The following DNALI1 variants were observed in gnomAD, a reference collection of about 807,000 sequenced individuals.
DNALI1 encodes dynein axonemal light intermediate chain 1, also known as axonemal dynein light intermediate polypeptide 1.
In DNALI1, 31 loss-of-function variants were observed where a neutral mutation model predicts 33.9. The ratio of observed to expected loss-of-function variants is 0.91; its 90% CI spans 0.69 to 1.23. DNALI1 has a LOEUF of 1.23. Among genes scored for constraint, DNALI1 ranks in the 50% most tolerant of loss-of-function variants. The probability of loss-of-function intolerance (pLI) is 0.00; values close to 1 mark genes in which losing one functional copy is unlikely to be tolerated. For missense variants in DNALI1, 305 were observed against 323.8 expected, an observed-to-expected ratio of 0.94 and a Z score of 0.44; for synonymous variants, 117 against 129.2, an observed-to-expected ratio of 0.91 and a Z score of 0.64.
chr1:37,559,674 C>A lies in DNALI1; in HGVS notation c.397+178C>A, dbSNP rs1643413199. ...CTAACTGCCCCCTTCCCCTTCCCAG[C>A]TGAAGGGGGCCAGCCCCTCCACACC... On this transcript the variant is annotated intron_variant, in intron 3 of 5. Transcript: ENST00000652629. This position sits in a 1 kb window ranked among gnomAD's most constrained non-coding sequence, Gnocchi z 5.3. Among the ~76,000 whole-genome samples the A allele has an allele frequency of 6.6e-6, 1 of 152,170 alleles. No individual in the cohort carries two copies. The highest frequency in any genetic ancestry group is 2.4e-5 in the African/African-American group (1 of 41,438).
chr1:37,556,979 T>G lies in DNALI1; in HGVS notation c.-16T>G. ...CTGGACAGGGCAGCTGCTGGGTTGC[T>G]ACTCTCGCCTCCGCCATGATTCCGC... On this transcript the variant is annotated 5_prime_UTR_variant, in exon 1 of 6. Coordinates refer to ENST00000652629, the MANE Select transcript of DNALI1 (RefSeq NM_003462.5). 1.9e-6 allele frequency: 3 copies of G among 1,614,228 alleles called. 1 individual carries two copies. The highest frequency in any genetic ancestry group is 2.2e-5 in the South Asian group (2 of 91,086).
At chr1:37,563,076 A>G (rs1376020503) in intron 5 of DNALI1, among the ~76,000 whole-genome samples, 2 of 152,254 alleles carry the variant, frequency 1.3e-5, no homozygotes, top group Non-Finnish European at 2.9e-5. Flanking sequence ...AAGATGGCCT[A>G]CTGACATTTA....
rs140560934 is a variant in DNALI1 at position 37,562,097 on chromosome 1, C to T, written c.593C>T (p.Thr198Met). The change falls in exon 5 of 6, where the codon ACG (threonine) becomes ATG (methionine). Residue 198 changes from threonine (T) to methionine (M), a missense_variant. Thr to Met is a moderately conservative substitution (Grantham distance 81). Transcript: ENST00000652629. This position sits in a 1 kb window ranked among gnomAD's most constrained non-coding sequence, Gnocchi z 5.8. Reference protein sequence around the residue: ...DMERKIAELETEKRDLERQVN... With the variant: ...DMERKIAELEMEKRDLERQVN... ...TCTCCTCAGATCGCAGAATTGGAGA[C>T]GGAAAAGAGAGACCTGGAGAGGCAA... The T allele has an allele frequency of 1.3e-4, 212 of 1,613,858 alleles. 1 individual carries two copies. Among genetic ancestry groups the T allele is most frequent in the Middle Eastern group, 1.7e-4 (1 of 6,054 alleles).
In DNALI1 at chr1:37,557,722, A is replaced by G. The variant is rs140822664; in HGVS notation, c.201A>G (p.Glu67=). The G allele has an allele frequency of 8.4e-4, 1,354 of 1,613,862 alleles. 1 individual carries two copies. The highest frequency in any genetic ancestry group is 1.1e-3 in the Non-Finnish European group (1,288 of 1,179,874). ...CVPDPTKQAE[E]ILNAILPPRE... ...CAGATCCTACAAAGCAGGCAGAAGA[A>G]ATCTTGAATGCCATACTACCCCCAA... Residue 67 remains glutamate (E), a synonymous_variant, in exon 2 of 6, where the codon GAA becomes GAG. Transcript: ENST00000652629.
At position 37,559,413 on chromosome 1, in the gene DNALI1, A is replaced by G; in HGVS notation, c.314A>G (p.Gln105Arg). 1 of 1,613,370 alleles carries G rather than the reference A, an allele frequency of 6.2e-7. No individual in the cohort carries two copies. Among genetic ancestry groups the G allele is most frequent in the East Asian group, 2.2e-5 (1 of 44,868 alleles). Residue 105 changes from glutamine to arginine, a missense_variant, in exon 3 of 6, where the codon CAG becomes CGG. Physicochemically the swap from Gln to Arg is conservative, Grantham distance 43. Transcript: ENST00000652629. The surrounding 1 kb of genome is among the most constrained non-coding windows in gnomAD (Gnocchi z 5.3). ...TRMDVVHLQE[Q>R]LDLKLQQRQA... ...ATGGACGTGGTGCACCTCCAGGAGC[A>G]GTTAGACTTAAAGCTGCAGCAGCGG...
chr1:37,560,525 C>G (rs1643425618), intron 3 of DNALI1: 2 of 152,192 alleles, frequency 1.3e-5, no homozygotes, highest in Non-Finnish European at 2.9e-5. Flanking sequence ...TCTGTGAGCT[C>G]AAGGTTGGGG....
Position 37,559,256 on chromosome 1 carries a change from G to T in DNALI1, c.228-71G>T. On this transcript the variant is annotated intron_variant, in intron 2 of 5. Coordinates refer to ENST00000652629, the MANE Select transcript of DNALI1 (RefSeq NM_003462.5). The surrounding 1 kb of genome is among the most constrained non-coding windows in gnomAD (Gnocchi z 5.3). Reference sequence around the variant, plus strand: ...CCACTACTCAGGCAGAGGGCTCAAAGGGCCCTCTGCTCATGTGCTAGGGAC... The same window carrying T: ...CCACTACTCAGGCAGAGGGCTCAAATGGCCCTCTGCTCATGTGCTAGGGAC... The T allele has an allele frequency of 6.9e-7, 1 of 1,459,272 alleles. No homozygotes were observed. The highest frequency in any genetic ancestry group is 2.5e-5 in the East Asian group (1 of 39,644). The allele number at this position is 1,459,272 out of a possible 1,614,324, so 90.4% of individuals were successfully genotyped here.
chr1:37,561,008 GCAAACCACCTC>G lies in DNALI1; in HGVS notation c.398-542_398-532del, dbSNP rs1469228946. The G allele has an allele frequency of 2.0e-5, 3 of 152,772 alleles. No individual in the cohort carries two copies. Among genetic ancestry groups the G allele is most frequent in the Non-Finnish European group, 4.4e-5 (3 of 68,460 alleles). The allele number at this position is 152,772 out of a possible 1,614,324, so 9.5% of individuals were successfully genotyped here. ...CATTGGCTCTTATGGACGCCGATCTGCAAACCACCTCCAAACCCTCAGGCAGCTGCAGGGTC... is the reference window on the plus strand; with the variant it reads ...CATTGGCTCTTATGGACGCCGATCTGCAAACCCTCAGGCAGCTGCAGGGTC... On this transcript the variant is annotated intron_variant, in intron 3 of 5. Transcript: ENST00000652629. This position sits in a 1 kb window ranked among gnomAD's most constrained non-coding sequence, Gnocchi z 4.6.
At chr1:37,564,561 T>C (rs1461688723) in intron 5 of DNALI1, among the ~76,000 whole-genome samples, 1 of 152,108 alleles carries the variant, frequency 6.6e-6, no homozygotes, top group Non-Finnish European at 1.5e-5. Context: ...TTTTGTATTT[T>C]TAGTAGAGAC....
intron 2 of DNALI1, 159 bp downstream of exon 2, chr1:37,557,907 G>T (rs575697630): frequency 3.0e-6 from 3 of 998,038 alleles, no homozygotes; most frequent in Non-Finnish European, 2.9e-6. Flanking sequence ...CTGGCAGGGT[G>T]GTGGGAGACC....
At position 37,565,946 on chromosome 1, in the gene DNALI1, T is replaced by C. The variant is rs1643495090; in HGVS notation, c.*885T>C. On this transcript the variant is annotated 3_prime_UTR_variant, in exon 6 of 6. Coordinates refer to ENST00000652629, the MANE Select transcript of DNALI1 (RefSeq NM_003462.5). ...GGTTTTGTAGACCCAGAAGATTGAATGAGTGACATAAATCTTTAGTTCGGG... is the reference window on the plus strand; with the variant it reads ...GGTTTTGTAGACCCAGAAGATTGAACGAGTGACATAAATCTTTAGTTCGGG... The C allele has an allele frequency of 6.6e-6, 1 of 152,346 alleles. No homozygotes were observed. Among genetic ancestry groups the C allele is most frequent in the African/African-American group, 2.4e-5 (1 of 41,580 alleles). 9.4% of individuals were successfully genotyped at this position (152,346 alleles called of 1,614,324 possible).
In DNALI1 at chr1:37,566,521, T is replaced by G. The variant is rs943939150; in HGVS notation, c.*1460T>G. On this transcript the variant is annotated 3_prime_UTR_variant, in exon 6 of 6. Transcript: ENST00000652629. ...CCTTGAAATTTGCAGTTCTGTATGC[T>G]TCTATTCCAAATCATTCATTACCAA... The G allele has an allele frequency of 4.2e-6, 1 of 236,302 alleles. No homozygotes were observed. The highest frequency in any genetic ancestry group is 8.2e-6 in the Non-Finnish European group (1 of 122,678). The allele number at this position is 236,302 out of a possible 1,614,324, so 14.6% of individuals were successfully genotyped here.
At position 37,562,252 on chromosome 1, in the gene DNALI1, A is replaced by G; in HGVS notation, c.741+7A>G. 1.2e-6 allele frequency: 2 copies of G among 1,609,852 alleles called. No homozygotes were observed. The highest frequency in any genetic ancestry group is 1.7e-6 in the Non-Finnish European group (2 of 1,178,126). ...AACAAATCAGCAGCTGAAGGTAATCAACGCGCAGGGTGGGGTGGAGGTGCC... is the reference window on the plus strand; with the variant it reads ...AACAAATCAGCAGCTGAAGGTAATCGACGCGCAGGGTGGGGTGGAGGTGCC... On this transcript the variant is annotated splice_region_variant and intron_variant, in intron 5 of 5. Transcript: ENST00000652629. This position sits in a 1 kb window ranked among gnomAD's most constrained non-coding sequence, Gnocchi z 5.8.
Position 37,556,984 on chromosome 1 carries a change from T to C in DNALI1, c.-11T>C, listed in dbSNP as rs759716450. On this transcript the variant is annotated 5_prime_UTR_variant, in exon 1 of 6. Transcript: ENST00000652629. ...CAGGGCAGCTGCTGGGTTGCTACTC[T>C]CGCCTCCGCCATGATTCCGCCCGCA... is the stretch of plus-strand genomic sequence containing the variant. The C allele has an allele frequency of 1.2e-6, 2 of 1,614,166 alleles. No individual in the cohort carries two copies. Among genetic ancestry groups the C allele is most frequent in the Non-Finnish European group, 1.7e-6 (2 of 1,180,028 alleles).
In DNALI1 at chr1:37,561,349, AGT is replaced by A. The variant is rs1491334946; in HGVS notation, c.398-206_398-205del. The A allele has an allele frequency of 6.9e-6, 4 of 579,222 alleles. No homozygotes were observed. In the African/African-American group the frequency reaches 7.4e-5, roughly 11 times the overall value. The allele number at this position is 579,222 out of a possible 1,614,324, so 35.9% of individuals were successfully genotyped here. ...AGTCTTGCTGACTGTGCTACTCACA[AGT>A]GCCAAGTTCAGAGGAGTGACTGCAT... On this transcript the variant is annotated intron_variant, in intron 3 of 5. Coordinates refer to ENST00000652629, the MANE Select transcript of DNALI1 (RefSeq NM_003462.5). The surrounding 1 kb of genome is among the most constrained non-coding windows in gnomAD (Gnocchi z 4.6).
At position 37,561,603 on chromosome 1, in the gene DNALI1, G is replaced by A. The variant is rs1643438960; in HGVS notation, c.444G>A (p.Leu148=). The part of the protein sequence containing the change: ...EVTINCAERG[L]LLLRVRDEIR... ...CCATCAACTGTGCGGAGAGGGGGCTGCTGCTGCTGCGAGTCCGGGACGAGA... is the reference window on the plus strand; with the variant it reads ...CCATCAACTGTGCGGAGAGGGGGCTACTGCTGCTGCGAGTCCGGGACGAGA... Residue 148 remains leucine (L), a synonymous_variant, in exon 4 of 6, where the codon CTG becomes CTA. Transcript: ENST00000652629. This position sits in a 1 kb window ranked among gnomAD's most constrained non-coding sequence, Gnocchi z 4.6. 1.2e-6 allele frequency: 2 copies of A among 1,613,890 alleles called. No individual in the cohort carries two copies.
In DNALI1 at chr1:37,562,129, G is replaced by A; in HGVS notation, c.625G>A (p.Glu209Lys). The change falls in exon 5 of 6, where the codon GAG becomes AAG. Residue 209 changes from glutamate (E) to lysine (K), a missense_variant. Physicochemically the swap from Glu to Lys is moderately conservative, Grantham distance 56. Transcript: ENST00000652629. The surrounding 1 kb of genome is among the most constrained non-coding windows in gnomAD (Gnocchi z 5.8). ...EKRDLERQVN[E>K]QKAKCEATEK... is the part of the protein sequence containing the mutation. ...GAGAGACCTGGAGAGGCAAGTGAAC[G>A]AGCAGAAGGCAAAATGTGAAGCCAC... The A allele has an allele frequency of 1.2e-6, 2 of 1,614,120 alleles. No individual in the cohort carries two copies. The highest frequency in any genetic ancestry group is 1.1e-5 in the South Asian group (1 of 91,078).
rs1328646274 is a variant in DNALI1, at chr1:37,565,577, T to TC, written c.*520dup. ...GGAGCTTTGGTTTTCTAATGTATTA[T>TC]CCCCACTTGCCAGTCAACTGGACCC... On this transcript the variant is annotated 3_prime_UTR_variant, in exon 6 of 6. Transcript: ENST00000652629. 1 of 153,658 alleles carries TC rather than the reference T, an allele frequency of 6.5e-6. No homozygotes were observed. The highest frequency in any genetic ancestry group is 1.4e-5 in the Non-Finnish European group (1 of 69,120). 9.5% of individuals were successfully genotyped at this position (153,658 alleles called of 1,614,324 possible).
At chr1:37,558,635 G>A (rs1643400723) in intron 2 of DNALI1, among the ~76,000 whole-genome samples, 1 of 151,834 alleles carries the variant, frequency 6.6e-6, no homozygotes. Flanking sequence ...TCCTACCACA[G>A]GGCCCTGACA....
Sources: allele counts gnomAD v4.1 joint callset (sites outside exome capture counted in the v4.1 genomes callset), GRCh38; gene constraint gnomAD v4.1.1; non-coding constraint Gnocchi (gnomAD v3.1); transcripts MANE v1.5; gene names NCBI Gene and HGNC (gene_info 2026-07-23, HGNC 2026-07-21).